Variants in GPC5 observed in about 807,000 individuals in gnomAD.
The protein encoded by GPC5 is glypican 5.
GPC5 carries 47 observed loss-of-function variants against 53.9 expected under a neutral mutation model. That is an observed-to-expected ratio of 0.87 (90% CI 0.69 to 1.11). The LOEUF is 1.11. Among genes scored for constraint, GPC5 ranks in the 50% most tolerant of loss-of-function variants. GPC5 has a pLI of 0.00. For missense variants in GPC5, 748 were observed against 713.1 expected (o/e 1.05, Z -0.56); for synonymous variants, 286 against 263.3 (o/e 1.09, Z -0.84).
intron 3 of GPC5, among the ~76,000 whole-genome samples, chr13:91,728,127 T>C (rs2140005982): frequency 6.6e-6 from 1 of 152,240 alleles, no homozygotes; most frequent in Admixed American, 6.5e-5. Flanking sequence ...TTGGAATTCA[T>C]TTAGAAAAGG....
At chr13:92,153,702 A>G (rs1337439538) in intron 7 of GPC5, among the ~76,000 whole-genome samples, 9 of 152,212 alleles carry the variant, frequency 5.9e-5, no homozygotes. Context: ...TTTGCAAAGC[A>G]ATTGTACCAA....
chr13:92,004,490 A>ATATATATATATATATATAT (rs60785546), intron 6 of GPC5, among the ~76,000 whole-genome samples: 12 of 126,218 alleles, frequency 9.5e-5, no homozygotes, highest in Non-Finnish European at 1.3e-4. Context: ...ATATATATAT[A>ATATATATATATATATATAT]ATTACACTAT....
At chr13:91,810,905 T>G (rs1287214192) in intron 5 of GPC5, among the ~76,000 whole-genome samples, 1 of 151,150 alleles carries the variant, frequency 6.6e-6, no homozygotes, top group Non-Finnish European at 1.5e-5. Context: ...TCTTTGTTCC[T>G]TTTTATTTAG....
chr13:92,661,712 A>G (rs1886349327), intron 7 of GPC5, among the ~76,000 whole-genome samples: 1 of 152,224 alleles, frequency 6.6e-6, no homozygotes, highest in Non-Finnish European at 1.5e-5. Flanking sequence ...AGATTAAAGT[A>G]GGATTGCTGG....
intron 5 of GPC5, among the ~76,000 whole-genome samples, chr13:91,856,217 A>G (rs1162391048): frequency 6.6e-6 from 1 of 151,540 alleles, no homozygotes. Context: ...TTAAAAAAAC[A>G]TATTTTTCTT....
chr13:92,661,092 G>C (rs958097181), intron 7 of GPC5, among the ~76,000 whole-genome samples: 3 of 151,968 alleles, frequency 2.0e-5, no homozygotes, highest in Non-Finnish European at 4.4e-5. Context: ...CTTGACTCAG[G>C]AGTTTGAGAC....
At chr13:92,826,527 C>A (rs1214775338) in intron 7 of GPC5, among the ~76,000 whole-genome samples, 1 of 152,054 alleles carries the variant, frequency 6.6e-6, no homozygotes, top group Non-Finnish European at 1.5e-5. Flanking sequence ...GATAATAAAC[C>A]TGTGTTGTTT....
intron 5 of GPC5, among the ~76,000 whole-genome samples, chr13:91,763,993 T>A (rs1054376970): frequency 6.6e-6 from 1 of 152,238 alleles, no homozygotes; most frequent in African/African-American, 2.4e-5. Context: ...TGTAAATAGT[T>A]GTTATACTGT....
intron 2 of GPC5, among the ~76,000 whole-genome samples, chr13:91,536,893 G>A (rs1008349562): frequency 2.0e-5 from 3 of 152,124 alleles, no homozygotes; most frequent in Non-Finnish European, 2.9e-5. Context: ...TCAATAACAC[G>A]GGACAGTTTG....
intron 7 of GPC5, among the ~76,000 whole-genome samples, chr13:92,856,080 C>A (rs986771792): frequency 2.0e-5 from 3 of 151,982 alleles, no homozygotes; most frequent in African/African-American, 7.2e-5. Context: ...AGGCCAGTAT[C>A]CCTGATGAAC....
intron 4 of GPC5, among the ~76,000 whole-genome samples, chr13:91,748,876 T>C (rs2037108445): frequency 6.6e-6 from 1 of 152,042 alleles, no homozygotes; most frequent in Admixed American, 6.6e-5. Flanking sequence ...CCTGGAATCT[T>C]GTTCAGTAAA....
At chr13:92,800,540 A>G (rs1208530574) in intron 7 of GPC5, among the ~76,000 whole-genome samples, 2 of 151,842 alleles carry the variant, frequency 1.3e-5, no homozygotes, top group East Asian at 3.9e-4. Context: ...CCACTAACGA[A>G]CCCTGTGAAA....
At chr13:91,956,556 A>G (rs543604709) in intron 6 of GPC5, among the ~76,000 whole-genome samples, 1 of 152,230 alleles carries the variant, frequency 6.6e-6, no homozygotes, top group Admixed American at 6.5e-5. Context: ...TGTATACACC[A>G]TCCTGGATCC....
chr13:91,775,694 T>A (rs1214677145), intron 5 of GPC5, among the ~76,000 whole-genome samples: 1 of 152,200 alleles, frequency 6.6e-6, no homozygotes, highest in Non-Finnish European at 1.5e-5. Flanking sequence ...ACTGATCATT[T>A]CTTTCTCTGG....
intron 7 of GPC5, among the ~76,000 whole-genome samples, chr13:92,180,463 T>C (rs1049908682): frequency 2.0e-5 from 3 of 152,162 alleles, no homozygotes; most frequent in Admixed American, 6.5e-5. Context: ...TCTCCAAATG[T>C]CAACAGTGGT....
chr13:92,033,074 T>TGTGTGC (rs1491301836), intron 6 of GPC5, among the ~76,000 whole-genome samples: 67 of 148,898 alleles, frequency 4.5e-4, no homozygotes, highest in Non-Finnish European at 7.0e-4. Flanking sequence ...TGTGTGTGTG[T>TGTGTGC]GCTTCTCATT....
At chr13:91,457,282 G>GT (rs1473928990) in intron 2 of GPC5, among the ~76,000 whole-genome samples, 2 of 151,848 alleles carry the variant, frequency 1.3e-5, no homozygotes, top group Admixed American at 6.6e-5. Flanking sequence ...CTTATGGTTT[G>GT]TTTTTTCAAG....
chr13:92,848,789 G>A (rs1262745778), intron 7 of GPC5, among the ~76,000 whole-genome samples: 9 of 150,434 alleles, frequency 6.0e-5, no homozygotes, highest in Non-Finnish European at 8.9e-5. Flanking sequence ...TTGTTAGATG[G>A]ATCTACACCA....
At chr13:92,260,503 C>T (rs2042758764) in intron 7 of GPC5, among the ~76,000 whole-genome samples, 1 of 152,162 alleles carries the variant, frequency 6.6e-6, no homozygotes, top group Non-Finnish European at 1.5e-5. Flanking sequence ...TGAGGCAGGC[C>T]TTCACTGAGC....
Sources: gnomAD v4.1 joint callset for allele counts (sites outside exome capture counted in the v4.1 genomes callset) on GRCh38, gnomAD v4.1.1 for gene constraint, MANE v1.5 for transcripts, NCBI Gene and HGNC (gene_info 2026-07-23, HGNC 2026-07-21) for gene names.